AKAP9: variants seen among roughly 807,000 people sequenced by gnomAD.
AKAP9 encodes A-kinase anchoring protein 9.
Under a neutral mutation model 488.5 loss-of-function variants are expected in AKAP9, and 311 were observed. The observed-to-expected ratio is 0.64, with a 90% CI of 0.58 to 0.70. AKAP9 has a LOEUF of 0.70. Among genes scored for constraint, AKAP9 ranks in the 30% least tolerant of loss-of-function variants. AKAP9 has a pLI of 0.00. For synonymous variants in AKAP9, 1,462 were observed against 1,483.5 expected (o/e 0.99, Z 0.33); for missense variants, 4,215 against 4,374.5 (o/e 0.96, Z 1.03).
chr7:92,109,603 G>A (rs949026644), intron 49 of AKAP9, among the ~76,000 whole-genome samples: 2 of 152,168 alleles, frequency 1.3e-5, no homozygotes, highest in Non-Finnish European at 2.9e-5. Context: ...AGCCAGTCAT[G>A]GTGATTTTTA....
chr7:92,066,317 G>A, intron 25 of AKAP9, 110 bp from the exon 26 acceptor site: 4 of 1,359,090 alleles, frequency 2.9e-6, no homozygotes, highest in Non-Finnish European at 4.1e-6. Context: ...ATGATCATCA[G>A]TCCTTTGTCT....
intron 2 of AKAP9, among the ~76,000 whole-genome samples, chr7:91,975,867 GT>G (rs1365235177): frequency 6.8e-6 from 1 of 146,740 alleles, no homozygotes; most frequent in Non-Finnish European, 1.5e-5. Context: ...AAATGTTGAG[GT>G]TTTTTTGTTT....
chr7:92,104,774 C>T (rs773369227), intron 46 of AKAP9, among the ~76,000 whole-genome samples: 3 of 152,198 alleles, frequency 2.0e-5, no homozygotes, highest in African/African-American at 7.2e-5. Context: ...CTTTCATTTC[C>T]TTCATCACCT....
At chr7:91,992,374 C>T (rs1296936621) in intron 4 of AKAP9, among the ~76,000 whole-genome samples, 163 bp downstream of exon 4, 1 of 152,026 alleles carries the variant, frequency 6.6e-6, no homozygotes, top group Non-Finnish European at 1.5e-5. Context: ...TTATAAAACT[C>T]AATTGTAGGC....
intron 16 of AKAP9, among the ~76,000 whole-genome samples, chr7:92,034,658 AC>A (rs1804899403): frequency 6.7e-6 from 1 of 149,604 alleles, no homozygotes; most frequent in Non-Finnish European, 1.5e-5. Flanking sequence ...GCACCACCAC[AC>A]CCAGCTAATT....
At chr7:92,104,148 T>C (rs1022639311) in intron 46 of AKAP9, among the ~76,000 whole-genome samples, 2 of 152,098 alleles carry the variant, frequency 1.3e-5, no homozygotes, top group African/African-American at 2.4e-5. Flanking sequence ...TTTAAAGTTA[T>C]TTCTATCAGG....
At chr7:92,000,329 T>C (rs1798995174) in intron 7 of AKAP9, among the ~76,000 whole-genome samples, 2 of 152,240 alleles carry the variant, frequency 1.3e-5, no homozygotes, top group Admixed American at 6.5e-5. Flanking sequence ...AGCCCAGGAC[T>C]GAAGTTAAGA....
At chr7:91,987,420 G>GA (rs957106922) in intron 3 of AKAP9, among the ~76,000 whole-genome samples, 32 of 139,404 alleles carry the variant, frequency 2.3e-4, no homozygotes, top group South Asian at 4.5e-4. Flanking sequence ...ATTCTATCTC[G>GA]AAAAAAAAAA....
Position 92,089,400 on chromosome 7 carries a change from G to A in AKAP9, c.9229G>A (p.Ala3077Thr), listed in dbSNP as rs189151663. 5.0e-6 allele frequency: 8 copies of A among 1,611,748 alleles called. No homozygotes were observed. The East Asian group carries it at 1.8e-4, about 36-fold the overall frequency. ...TTTGTTACAGGGTGTTGAATATCAA[G>A]CAGCTATGGAATGCCTCCAGAAAGC... ...RIQEQGVEYQ[A>T]AMECLQKADR... is the part of the protein sequence containing the mutation. The change falls in exon 38 of 50, where the codon GCA becomes ACA. Residue 3077 changes from alanine to threonine, a missense_variant. Transcript: ENST00000356239.
chr7:92,011,918 G>A (rs1800802379), intron 8 of AKAP9, among the ~76,000 whole-genome samples: 1 of 152,188 alleles, frequency 6.6e-6, no homozygotes, highest in South Asian at 2.1e-4. Context: ...CTGGGCAACA[G>A]AGTGAGACCC....
intron 19 of AKAP9, 52 bp downstream of exon 19, chr7:92,042,238 A>G: frequency 6.2e-7 from 1 of 1,610,636 alleles, no homozygotes; most frequent in Non-Finnish European, 8.5e-7. Context: ...ATTCAGTAGG[A>G]TTTGTTTGTC....
intron 27 of AKAP9, among the ~76,000 whole-genome samples, chr7:92,070,515 A>G (rs1584418064): frequency 6.6e-6 from 1 of 151,418 alleles, no homozygotes; most frequent in East Asian, 1.9e-4. Context: ...GCTTACCACA[A>G]CCTCCACCTC....
chr7:92,022,670 G>A (rs576516910), intron 13 of AKAP9, 144 bp from the exon 14 acceptor site: 94 of 643,384 alleles, frequency 1.5e-4, no homozygotes, highest in South Asian at 2.2e-4. Context: ...TCATCAGAAT[G>A]AGTTTAAATT....
intron 21 of AKAP9, among the ~76,000 whole-genome samples, chr7:92,049,107 T>G (rs1029845252): frequency 2.0e-5 from 3 of 152,182 alleles, no homozygotes; most frequent in Non-Finnish European, 4.4e-5. Flanking sequence ...TGTCAGGGAA[T>G]GAACATGATA....
At chr7:92,102,480 ACTACT>A in intron 45 of AKAP9, 109 bp from the exon 46 acceptor site, 1 of 732,694 alleles carries the variant, frequency 1.4e-6, no homozygotes, top group Non-Finnish European at 2.4e-6. Context: ...TACTACTACT[ACTACT>A]ACTACCACCA....
Position 92,042,738 on chromosome 7 carries a change from A to C in AKAP9, c.5129A>C (p.Glu1710Ala). ...GAAAAGGAATTAGACAGAAAACCTG[A>C]AGATGTGCCTCCTGAGATTTTGTCT... is the stretch of plus-strand genomic sequence containing the variant. ...FKEKELDRKP[E>A]DVPPEILSNE... Residue 1710 changes from glutamate (E) to alanine (A), a missense_variant, in exon 20 of 50, where the codon GAA (glutamate) becomes GCA (alanine). By Grantham distance (107) the Glu-to-Ala change is moderately radical. Around this residue, in one of 5 missense-constraint regions of AKAP9, gnomAD observed 2,361 missense variants for 2,430.0 expected, o/e 0.97. Coordinates refer to ENST00000356239, the MANE Select transcript of AKAP9 (RefSeq NM_005751.5). 1 of 1,611,820 alleles carries C rather than the reference A, an allele frequency of 6.2e-7. No individual in the cohort carries two copies. Among genetic ancestry groups the C allele is most frequent in the South Asian group, 1.1e-5 (1 of 91,034 alleles).
At position 92,002,862 on chromosome 7, in the gene AKAP9, C is replaced by A. The variant is rs374340343; in HGVS notation, c.2945C>A (p.Ser982Tyr). The A allele has an allele frequency of 2.0e-4, 317 of 1,612,974 alleles. 4 individuals carry two copies. In the South Asian group the frequency reaches 3.3e-3, roughly 17 times the overall value. Reference sequence around the variant, plus strand: ...AGTTTTCTAAATGAAGAAGTTAAATCTTTAAAGCAAGAGAAAGAACAAGTT... The same window carrying A: ...AGTTTTCTAAATGAAGAAGTTAAATATTTAAAGCAAGAGAAAGAACAAGTT... Reference protein sequence around the residue: ...EISFLNEEVKSLKQEKEQVSL... With the variant: ...EISFLNEEVKYLKQEKEQVSL... Residue 982 changes from serine to tyrosine, a missense_variant, in exon 8 of 50, where the codon TCT becomes TAT. Physicochemically the swap from Ser to Tyr is moderately radical, Grantham distance 144. This residue lies in a region of AKAP9 where 2,361 missense variants were observed against 2,430.0 expected (regional missense o/e 0.97). Coordinates refer to ENST00000356239, the MANE Select transcript of AKAP9 (RefSeq NM_005751.5).
intron 3 of AKAP9, among the ~76,000 whole-genome samples, chr7:91,986,257 G>A (rs114617193): frequency 1.3e-5 from 2 of 152,194 alleles, no homozygotes; most frequent in African/African-American, 2.4e-5. Flanking sequence ...TTGGAAAAGC[G>A]CAGTATTGGG....
intron 28 of AKAP9, among the ~76,000 whole-genome samples, chr7:92,075,388 G>A (rs1167888399): frequency 2.0e-5 from 3 of 152,220 alleles, no homozygotes; most frequent in Admixed American, 6.5e-5. Flanking sequence ...TCACTTTGAA[G>A]AAGATATAAT....
Sources: allele counts gnomAD v4.1 joint callset (sites outside exome capture counted in the v4.1 genomes callset), GRCh38; gene constraint gnomAD v4.1.1; regional missense constraint gnomAD v4.1.1; transcripts MANE v1.5; gene names NCBI Gene and HGNC (gene_info 2026-07-23, HGNC 2026-07-21).